PTPRU: variants seen among roughly 807,000 people sequenced by gnomAD.
PTPRU encodes receptor-type tyrosine-protein phosphatase U.
PTPRU carries 69 observed loss-of-function variants against 166.3 expected under a neutral mutation model. The ratio of observed to expected loss-of-function variants is 0.41; its 90% CI spans 0.34 to 0.51. The LOEUF is 0.51. PTPRU is among the 20% of genes least tolerant of loss of function. The probability of loss-of-function intolerance (pLI) is 0.09; values close to 1 mark genes in which losing one functional copy is unlikely to be tolerated. For missense variants in PTPRU, 1,657 were observed against 2,013.7 expected (o/e 0.82, Z 3.39); for synonymous variants, 793 against 814.0 (o/e 0.97, Z 0.44).
rs944133077 is a variant in PTPRU at position 29,279,913 on chromosome 1, C to G, written c.1766-126C>G. On this transcript the variant is annotated intron_variant, in intron 10 of 29. Transcript: ENST00000373779. This position sits in a 1 kb window ranked among gnomAD's most constrained non-coding sequence, Gnocchi z 5.2. ...GGGGCCAGGGTAGCTCAGGTCATGT[C>G]AGCAGGAACAAAGAGGCTAAGGCTG... 4 of 1,081,724 alleles carry G rather than the reference C, an allele frequency of 3.7e-6. No individual in the cohort carries two copies. 67.0% of individuals were successfully genotyped at this position (1,081,724 alleles called of 1,614,324 possible).
Position 29,258,679 on chromosome 1 carries a change from C to T in PTPRU, c.380C>T (p.Pro127Leu), listed in dbSNP as rs145285047. 1.3e-5 allele frequency: 21 copies of T among 1,614,048 alleles called. No individual in the cohort carries two copies. The highest frequency in any genetic ancestry group is 1.6e-5 in the Non-Finnish European group (19 of 1,180,010). The change falls in exon 3 of 30, where the codon CCC becomes CTC. Residue 127 changes from proline to leucine, a missense_variant. Pro to Leu is a moderately conservative substitution (Grantham distance 98, BLOSUM62 -3). Coordinates refer to ENST00000373779, the MANE Select transcript of PTPRU (RefSeq NM_133178.4). The stretch of plus-strand genomic sequence containing the variant: ...GTCTACGTGCGCGTTAATGGGGGCC[C>T]CCTGGGCAGTGCTGTGTGGAATATG... ...LGVYVRVNGG[P>L]LGSAVWNMTG...
chr1:29,272,545 G>C (rs1685604126), intron 7 of PTPRU, among the ~76,000 whole-genome samples: 1 of 152,206 alleles, frequency 6.6e-6, no homozygotes. Flanking sequence ...GATAGGAGCA[G>C]CCTGGGCGAA....
At position 29,260,220 on chromosome 1, in the gene PTPRU, C is replaced by T. The variant is rs1684991542; in HGVS notation, c.850+176C>T. On this transcript the variant is annotated intron_variant, in intron 6 of 29. Coordinates refer to ENST00000373779, the MANE Select transcript of PTPRU (RefSeq NM_133178.4). The surrounding 1 kb of genome is among the most constrained non-coding windows in gnomAD (Gnocchi z 8.3). ...GGCAGTGGCCCAGCCGGGATGAGATCTGATCTAGGGGTCGGGGCTGGCTTC... is the reference window on the plus strand; with the variant it reads ...GGCAGTGGCCCAGCCGGGATGAGATTTGATCTAGGGGTCGGGGCTGGCTTC... 2 of 741,644 alleles carry T rather than the reference C, an allele frequency of 2.7e-6. No individual in the cohort carries two copies. The highest frequency in any genetic ancestry group is 3.9e-6 in the Non-Finnish European group (2 of 510,590). The allele number at this position is 741,644 out of a possible 1,614,324, so 45.9% of individuals were successfully genotyped here.
chr1:29,315,439 G>T lies in PTPRU; in HGVS notation c.3295G>T (p.Gly1099Cys). ...DVMLDMAECE[G>C]VVDIYNCVKT... is the part of the protein sequence containing the mutation. ...GATGCTGGACATGGCAGAGTGTGAGGGCGTCGTGGACATTTACAACTGTGT... is the reference window on the plus strand; with the variant it reads ...GATGCTGGACATGGCAGAGTGTGAGTGCGTCGTGGACATTTACAACTGTGT... Residue 1099 changes from glycine to cysteine, a missense_variant, in exon 23 of 30, where the codon GGC becomes TGC. Around this residue, in one of 3 missense-constraint regions of PTPRU, gnomAD observed 1,190 missense variants for 1,477.4 expected, o/e 0.81. Coordinates refer to ENST00000373779, the MANE Select transcript of PTPRU (RefSeq NM_133178.4). This position sits in a 1 kb window ranked among gnomAD's most constrained non-coding sequence, Gnocchi z 4.5. The T allele has an allele frequency of 1.9e-6, 3 of 1,614,204 alleles. No individual in the cohort carries two copies. The highest frequency in any genetic ancestry group is 2.5e-6 in the Non-Finnish European group (3 of 1,180,028).
chr1:29,238,937 ATAATGGT>A lies in PTPRU; in HGVS notation c.73+2221_73+2227del. Among the ~76,000 whole-genome samples the A allele has an allele frequency of 1.3e-5, 2 of 152,326 alleles. No homozygotes were observed. Among genetic ancestry groups the A allele is most frequent in the Admixed American group, 1.3e-4 (2 of 15,302 alleles). ...CCTCTTCTGCCTCATAGCCATCATG[ATAATGGT>A]GTATGGCACTTTTGGTAGATACCAA... On this transcript the variant is annotated intron_variant, in intron 1 of 29. Coordinates refer to ENST00000373779, the MANE Select transcript of PTPRU (RefSeq NM_133178.4). This position sits in a 1 kb window ranked among gnomAD's most constrained non-coding sequence, Gnocchi z 6.1.
chr1:29,318,846 T>TGGGCCA (rs767231202), intron 25 of PTPRU, among the ~76,000 whole-genome samples: 25 of 152,194 alleles, frequency 1.6e-4, no homozygotes, highest in Non-Finnish European at 1.8e-4. Context: ...GAGTGAAGGA[T>TGGGCCA]GGGCCAGGGC....
Position 29,315,063 on chromosome 1 carries a change from A to G in PTPRU, c.3228-309A>G, listed in dbSNP as rs114091359. Among the ~76,000 whole-genome samples the G allele has an allele frequency of 0.012, 1,758 of 152,228 alleles. 36 individuals carry two copies. The highest frequency in any genetic ancestry group is 0.04 in the African/African-American group (1,647 of 41,532). On this transcript the variant is annotated intron_variant, in intron 22 of 29. Coordinates refer to ENST00000373779, the MANE Select transcript of PTPRU (RefSeq NM_133178.4). The surrounding 1 kb of genome is among the most constrained non-coding windows in gnomAD (Gnocchi z 4.5). The stretch of plus-strand genomic sequence containing the variant: ...AAAGAACATTCTTGAATTAGCTCGG[A>G]GGATCATCATTCCTGTTCTCTCCTA...
chr1:29,240,049 C>T (rs1683971365), intron 1 of PTPRU, among the ~76,000 whole-genome samples: 1 of 152,104 alleles, frequency 6.6e-6, no homozygotes, highest in Admixed American at 6.5e-5. Context: ...TACCAAAGAC[C>T]CAAATGCCCA....
At chr1:29,305,480 C>T in intron 18 of PTPRU, 52 bp downstream of exon 18, 2 of 1,556,490 alleles carry the variant, frequency 1.3e-6, no homozygotes, top group Non-Finnish European at 1.8e-6. Flanking sequence ...CCGCTCCAGG[C>T]TTACTATCCA....
intron 15 of PTPRU, among the ~76,000 whole-genome samples, chr1:29,298,058 G>A (rs935761071): frequency 6.6e-6 from 1 of 152,110 alleles, no homozygotes; most frequent in African/African-American, 2.4e-5. Flanking sequence ...AGGAGTTCAA[G>A]ACCAGCCTGG....
intron 1 of PTPRU, among the ~76,000 whole-genome samples, chr1:29,249,416 C>A (rs1276016096): frequency 6.6e-6 from 1 of 152,234 alleles, no homozygotes; most frequent in South Asian, 2.1e-4. Context: ...TGTAGCTGGG[C>A]CAGTTTGAAC....
Position 29,312,534 on chromosome 1 carries a change from T to G in PTPRU, c.3073-18T>G. On this transcript the variant is annotated intron_variant, in intron 21 of 29. Coordinates refer to ENST00000373779, the MANE Select transcript of PTPRU (RefSeq NM_133178.4). Reference sequence around the variant, plus strand: ...ATGCTGCCAGGGACTCTGATTATTATTCCCATTGTCTCCCCAGAGAGGCTA... The same window carrying G: ...ATGCTGCCAGGGACTCTGATTATTAGTCCCATTGTCTCCCCAGAGAGGCTA... The G allele has an allele frequency of 6.4e-7, 1 of 1,569,330 alleles. No individual in the cohort carries two copies. Among genetic ancestry groups the G allele is most frequent in the East Asian group, 2.3e-5 (1 of 43,886 alleles).
rs1379406507 is a variant in PTPRU, at chr1:29,255,384, G to A, written c.183G>A (p.Arg61=). The part of the protein sequence containing the change: ...WEQVRIHPGT[R]APADLPHGSY... ...AAGTGCGAATCCACCCTGGCACCCG[G>A]GCACCTGCGGACCTGCCCCACGGTA... The change falls in exon 2 of 30, where the codon CGG becomes CGA. Residue 61 remains arginine, a synonymous_variant. Coordinates refer to ENST00000373779, the MANE Select transcript of PTPRU (RefSeq NM_133178.4). 12 of 1,614,112 alleles carry A rather than the reference G, an allele frequency of 7.4e-6. No individual in the cohort carries two copies. The highest frequency in any genetic ancestry group is 1.0e-5 in the Non-Finnish European group (12 of 1,180,004).
rs778440993 is a variant in PTPRU, at chr1:29,315,442, G to A, written c.3298G>A (p.Val1100Ile). 1.6e-5 allele frequency: 26 copies of A among 1,614,084 alleles called. No individual in the cohort carries two copies. In the Middle Eastern group the frequency reaches 4.9e-4, roughly 31 times the overall value. Residue 1100 changes from valine (V) to isoleucine (I), a missense_variant, in exon 23 of 30, where the codon GTC becomes ATC. Physicochemically the swap from Val to Ile is conservative, Grantham distance 29. Around this residue, in one of 3 missense-constraint regions of PTPRU, gnomAD observed 1,190 missense variants for 1,477.4 expected, o/e 0.81. Coordinates refer to ENST00000373779, the MANE Select transcript of PTPRU (RefSeq NM_133178.4). The surrounding 1 kb of genome is among the most constrained non-coding windows in gnomAD (Gnocchi z 4.5). Reference protein sequence around the residue: ...VMLDMAECEGVVDIYNCVKTL... With the variant: ...VMLDMAECEGIVDIYNCVKTL... ...GCTGGACATGGCAGAGTGTGAGGGC[G>A]TCGTGGACATTTACAACTGTGTGAA... is the stretch of plus-strand genomic sequence containing the variant.
intron 1 of PTPRU, among the ~76,000 whole-genome samples, chr1:29,250,010 A>G (rs1455248210): frequency 4.0e-5 from 6 of 151,862 alleles, no homozygotes; most frequent in Admixed American, 3.3e-4. Flanking sequence ...TGCCCTGGAC[A>G]AACTGTGTTT....
At position 29,320,381 on chromosome 1, in the gene PTPRU, C is replaced by T. The variant is rs1257128776; in HGVS notation, c.3688-304C>T. On this transcript the variant is annotated intron_variant, in intron 25 of 29. Coordinates refer to ENST00000373779, the MANE Select transcript of PTPRU (RefSeq NM_133178.4). This position sits in a 1 kb window ranked among gnomAD's most constrained non-coding sequence, Gnocchi z 5.2. ...CCGAAGCGCGGAGGCAGGGAGTAAG[C>T]TCGGCCAGCCTCTGCCTTGAGCTCA... 2 of 309,524 alleles carry T rather than the reference C, an allele frequency of 6.5e-6. No homozygotes were observed. Among genetic ancestry groups the T allele is most frequent in the African/African-American group, 2.1e-5 (1 of 46,696 alleles). The allele number at this position is 309,524 out of a possible 1,614,324, so 19.2% of individuals were successfully genotyped here. A position where few individuals can be genotyped will look rare whatever the true frequency, so the allele number is the denominator to read the frequency against.
At chr1:29,308,380 G>A (rs1687494765) in intron 18 of PTPRU, among the ~76,000 whole-genome samples, 1 of 150,738 alleles carries the variant, frequency 6.6e-6, no homozygotes, top group South Asian at 2.1e-4. Flanking sequence ...ATCAGCGTGG[G>A]CAACATAGTG....
At position 29,280,749 on chromosome 1, in the gene PTPRU, G is replaced by C. The variant is rs1010870070; in HGVS notation, c.1868+608G>C. On this transcript the variant is annotated intron_variant, in intron 11 of 29. Transcript: ENST00000373779. The surrounding 1 kb of genome is among the most constrained non-coding windows in gnomAD (Gnocchi z 4.2). ...GGATGTGTGGTGTGAGTGTGTGTGA[G>C]AGGCGTATATGGGAGACATAAGTGT... Among the ~76,000 whole-genome samples the C allele has an allele frequency of 6.6e-6, 1 of 152,032 alleles. No homozygotes were observed. Among genetic ancestry groups the C allele is most frequent in the South Asian group, 2.1e-4 (1 of 4,818 alleles).
Position 29,292,977 on chromosome 1 carries a change from G to A in PTPRU, c.2476+951G>A, listed in dbSNP as rs569302971. On this transcript the variant is annotated intron_variant, in intron 15 of 29. Transcript: ENST00000373779. The stretch of plus-strand genomic sequence containing the variant: ...ATTACAGGCACCTGCCACCATACCC[G>A]GCTAATTTTTTTGTTTTTTTGAGAT... Among the ~76,000 whole-genome samples, 12 of 151,238 alleles carry A rather than the reference G, an allele frequency of 7.9e-5. 1 individual carries two copies. In the South Asian group the frequency reaches 2.5e-3, roughly 32 times the overall value.
Sources: gnomAD v4.1 joint callset for allele counts (sites outside exome capture counted in the v4.1 genomes callset) on GRCh38, gnomAD v4.1.1 for gene constraint, gnomAD v4.1.1 regional missense constraint, Gnocchi (gnomAD v3.1) non-coding constraint, MANE v1.5 for transcripts, NCBI Gene and HGNC (gene_info 2026-07-23, HGNC 2026-07-21) for gene names.